The following MOV10L1 variants were observed in gnomAD, a reference collection of about 807,000 sequenced individuals.
MOV10L1 encodes the protein RNA helicase Mov10l1.
In MOV10L1, 110 loss-of-function variants were observed where a neutral mutation model predicts 143.8. The observed-to-expected ratio is 0.76, with a 90% CI of 0.66 to 0.90. The LOEUF (loss-of-function observed/expected upper bound fraction) is 0.90, where lower values mean the gene tolerates loss of function less well. MOV10L1 is among the 40% of genes least tolerant of loss of function. The pLI is 0.00. For synonymous variants in MOV10L1, 593 were observed against 581.1 expected (o/e 1.02, Z -0.29); for missense variants, 1,406 against 1,526.8 (o/e 0.92, Z 1.32).
chr22:50,090,676 T>TTGTGTGTG lies in MOV10L1; in HGVS notation c.97+502_97+509dup, dbSNP rs150705221. The TTGTGTGTG allele has an allele frequency of 3.5e-4, 280 of 793,958 alleles. 2 individuals carry two copies. The East Asian group carries it at 5.9e-3, about 17-fold the overall frequency. 49.2% of individuals were successfully genotyped at this position (793,958 alleles called of 1,614,324 possible). A position where few individuals can be genotyped will look rare whatever the true frequency, so the allele number is the denominator to read the frequency against. ...TCACCGTTCCTTTCTCCTGAGGTGT[T>TTGTGTGTG]TGTGTGTGTGTGTGTGTGAGACGGA... On this transcript the variant is annotated intron_variant, in intron 1 of 26. Coordinates refer to ENST00000262794, the MANE Select transcript of MOV10L1 (RefSeq NM_018995.3).
At chr22:50,104,895 T>TC (rs918736560) in intron 3 of MOV10L1, among the ~76,000 whole-genome samples, 194 of 151,454 alleles carry the variant, frequency 1.3e-3, no homozygotes, top group Non-Finnish European at 1.3e-3. Flanking sequence ...AGCCTTCTTT[T>TC]TTTTTTTTTT....
chr22:50,131,178 G>A (rs1010468479), intron 13 of MOV10L1, among the ~76,000 whole-genome samples: 6 of 151,940 alleles, frequency 3.9e-5, no homozygotes, highest in African/African-American at 1.5e-4. Context: ...AAAGTGCTGG[G>A]ATTACAGGTG....
In MOV10L1 at chr22:50,161,069, C is replaced by T. The variant is rs1197137631; in HGVS notation, c.3554+14C>T. On this transcript the variant is annotated intron_variant, in intron 26 of 26. Transcript: ENST00000262794. ...GTCTCTGCAAAAGTGAGCGCTTCTG[C>T]TGTCTTCCTCAAAGACAGGCTGGCT... The T allele has an allele frequency of 6.2e-7, 1 of 1,611,800 alleles. No homozygotes were observed. The highest frequency in any genetic ancestry group is 8.5e-7 in the Non-Finnish European group (1 of 1,178,264).
chr22:50,134,933 G>C (rs1049785979), intron 15 of MOV10L1, among the ~76,000 whole-genome samples: 1 of 152,166 alleles, frequency 6.6e-6, no homozygotes, highest in African/African-American at 2.4e-5. Flanking sequence ...GGCTAAGATG[G>C]CTACAATATA....
chr22:50,126,337 C>A, intron 12 of MOV10L1, 65 bp downstream of exon 12: 1 of 1,259,194 alleles, frequency 7.9e-7, no homozygotes, highest in South Asian at 1.3e-5. Flanking sequence ...GGAAAGGTAA[C>A]GTTCTCCCCA....
chr22:50,105,247 G>A (rs2061839637), intron 3 of MOV10L1, among the ~76,000 whole-genome samples: 1 of 152,146 alleles, frequency 6.6e-6, no homozygotes, highest in Non-Finnish European at 1.5e-5. Flanking sequence ...CATAGGTACT[G>A]TCTTTTTGCA....
rs1004777833 is a variant in MOV10L1 at position 50,158,333 on chromosome 22, C to T, written c.3216+127C>T. 1.3e-5 allele frequency: 15 copies of T among 1,188,548 alleles called. No homozygotes were observed. Among genetic ancestry groups the T allele is most frequent in the African/African-American group, 9.3e-5 (6 of 64,642 alleles). The allele number at this position is 1,188,548 out of a possible 1,614,324, so 73.6% of individuals were successfully genotyped here. A position where few individuals can be genotyped will look rare whatever the true frequency, so the allele number is the denominator to read the frequency against. ...CAGCAGGTTTTTAAAGGGGCAGGACCGCACTTGAATGTCGTTCAACATGAG... is the reference window on the plus strand; with the variant it reads ...CAGCAGGTTTTTAAAGGGGCAGGACTGCACTTGAATGTCGTTCAACATGAG... On this transcript the variant is annotated intron_variant, in intron 23 of 26. Transcript: ENST00000262794. This position sits in a 1 kb window ranked among gnomAD's most constrained non-coding sequence, Gnocchi z 5.0.
chr22:50,160,340 G>A (rs1243953639), intron 24 of MOV10L1, among the ~76,000 whole-genome samples: 5 of 149,938 alleles, frequency 3.3e-5, no homozygotes, highest in East Asian at 2.0e-4. Context: ...TCTGCCTCCC[G>A]GGTTCACGCC....
At chr22:50,090,492 TC>T in intron 1 of MOV10L1, 1 of 1,610,364 alleles carries the variant, frequency 6.2e-7, no homozygotes, top group African/African-American at 1.3e-5. Context: ...TTCCTCCCTG[TC>T]CGCAGCGTCA....
chr22:50,133,101 C>T (rs4838846), intron 13 of MOV10L1, among the ~76,000 whole-genome samples: 34,089 of 151,578 alleles, frequency 0.22, 4,194 homozygotes, highest in Admixed American at 0.35. Context: ...ATTTGTTTTC[C>T]TTGCCTTCCT....
chr22:50,160,877 G>C, intron 25 of MOV10L1, 52 bp downstream of exon 25: 1 of 1,613,150 alleles, frequency 6.2e-7, no homozygotes, highest in Non-Finnish European at 8.5e-7. Context: ...GGGAGGGTCC[G>C]GGTCACTCGG....
chr22:50,091,856 T>C, intron 1 of MOV10L1, 145 bp from the exon 2 acceptor site: 1 of 702,918 alleles, frequency 1.4e-6, no homozygotes, highest in Non-Finnish European at 2.3e-6. Context: ...TGGGATTCTC[T>C]CTGTCTCAAG....
rs752831503 is a variant in MOV10L1, at chr22:50,143,263, T to C, written c.2358+42T>C. ...CGCGGGTGCTGTGGCTCTGTGCTGC[T>C]GTTCATGTGTCGTCTGTGTCTTCAG... is the stretch of plus-strand genomic sequence containing the variant. On this transcript the variant is annotated intron_variant, in intron 17 of 26. Coordinates refer to ENST00000262794, the MANE Select transcript of MOV10L1 (RefSeq NM_018995.3). 3.1e-6 allele frequency: 5 copies of C among 1,590,114 alleles called. No individual in the cohort carries two copies. In the Admixed American group the frequency reaches 6.7e-5, roughly 21 times the overall value.
intron 5 of MOV10L1, 64 bp from the exon 6 acceptor site, chr22:50,113,584 G>A (rs959967187): frequency 2.8e-5 from 44 of 1,578,318 alleles, no homozygotes; most frequent in African/African-American, 2.4e-4. Context: ...CCTCAGGAGC[G>A]GAGGCAGGCG....
At chr22:50,105,119 A>C (rs1027387278) in intron 3 of MOV10L1, among the ~76,000 whole-genome samples, 1 of 152,168 alleles carries the variant, frequency 6.6e-6, no homozygotes, top group Admixed American at 6.6e-5. Context: ...CTTGAGCCAC[A>C]GTGTTTTTAA....
rs2062463831 is a variant in MOV10L1, at chr22:50,092,188, A to G, written c.282+3A>G. ...CCAATGGACTGAAAGCAATCAGGGT[A>G]AGGTTTGAGTTCATTTGGGAACAGT... On this transcript the variant is annotated splice_donor_region_variant and intron_variant, in intron 2 of 26. Coordinates refer to ENST00000262794, the MANE Select transcript of MOV10L1 (RefSeq NM_018995.3). 1 of 1,611,942 alleles carries G rather than the reference A, an allele frequency of 6.2e-7. No homozygotes were observed.
intron 24 of MOV10L1, among the ~76,000 whole-genome samples, chr22:50,160,143 G>C (rs1326836072): frequency 6.6e-6 from 1 of 151,964 alleles, no homozygotes; most frequent in Non-Finnish European, 1.5e-5. Flanking sequence ...AGCCGCAAGC[G>C]TGAGGGCTCC....
intron 13 of MOV10L1, among the ~76,000 whole-genome samples, chr22:50,132,158 G>A (rs1439004470): frequency 2.6e-5 from 4 of 152,188 alleles, no homozygotes; most frequent in Non-Finnish European, 5.9e-5. Context: ...TCACATTGGG[G>A]ATGAAGTTTC....
intron 9 of MOV10L1, among the ~76,000 whole-genome samples, chr22:50,119,506 C>T (rs909128574): frequency 2.6e-5 from 4 of 152,054 alleles, no homozygotes; most frequent in African/African-American, 7.2e-5. Context: ...AAGTTTCTAG[C>T]CACCCATCAT....
Sources: allele counts gnomAD v4.1 joint callset (sites outside exome capture counted in the v4.1 genomes callset), GRCh38; gene constraint gnomAD v4.1.1; non-coding constraint Gnocchi (gnomAD v3.1); transcripts MANE v1.5; gene names NCBI Gene and HGNC (gene_info 2026-07-23, HGNC 2026-07-21).